The following PEX5L variants were observed in gnomAD, a reference collection of about 807,000 sequenced individuals.
PEX5L encodes peroxisomal biogenesis factor 5 like, also known as PEX5-related protein.
A neutral mutation model predicts 84.0 loss-of-function variants in PEX5L; 30 were observed. That is an observed-to-expected ratio of 0.36 (90% CI 0.27 to 0.48). The LOEUF (loss-of-function observed/expected upper bound fraction) is 0.48. Ranked by LOEUF, PEX5L falls within the 20% of genes least tolerant of loss-of-function variation. The pLI is 0.99. For missense variants in PEX5L, 533 were observed against 754.6 expected (o/e 0.71, Z 3.44); for synonymous variants, 270 against 283.1 (o/e 0.95, Z 0.46).
At chr3:179,833,413 C>A (rs1185627412) in intron 8 of PEX5L, among the ~76,000 whole-genome samples, 1 of 152,216 alleles carries the variant, frequency 6.6e-6, no homozygotes, top group Non-Finnish European at 1.5e-5. Context: ...TACTCTTGCA[C>A]ACTTTTCATT....
intron 1 of PEX5L, among the ~76,000 whole-genome samples, chr3:180,022,224 T>C (rs9844260): frequency 0.025 from 3,843 of 152,324 alleles, 191 homozygotes; most frequent in African/African-American, 0.088. Flanking sequence ...CCTAAATTAA[T>C]TGAAAGTTTA....
intron 1 of PEX5L, among the ~76,000 whole-genome samples, chr3:179,989,100 C>T (rs1175382293): frequency 3.3e-5 from 5 of 152,092 alleles, no homozygotes; most frequent in South Asian, 2.1e-4. Context: ...AACAGAAATC[C>T]GTGGTAGGGA....
At chr3:179,951,682 T>C (rs1779125686) in intron 2 of PEX5L, among the ~76,000 whole-genome samples, 1 of 152,124 alleles carries the variant, frequency 6.6e-6, no homozygotes, top group Admixed American at 6.5e-5. Flanking sequence ...CCCCACATGA[T>C]ATAATACCAG....
Position 179,887,711 on chromosome 3 carries a change from G to C in PEX5L, c.272C>G (p.Ser91Trp). ...SIDDFLCETK[S>W]EAIARPVTSN... is the part of the protein sequence containing the mutation. Reference sequence around the variant, plus strand: ...TGTTACTGGCCTTGCTATTGCTTCCGATTTGGTTTCACAGAGAAAGTCATC... The same window carrying C: ...TGTTACTGGCCTTGCTATTGCTTCCCATTTGGTTTCACAGAGAAAGTCATC... The change falls in exon 4 of 15, where the codon TCG (serine) becomes TGG (tryptophan). Residue 91 changes from serine to tryptophan, a missense_variant. Transcript: ENST00000467460. 1 of 1,613,716 alleles carries C rather than the reference G, an allele frequency of 6.2e-7. No individual in the cohort carries two copies. Among genetic ancestry groups the C allele is most frequent in the Non-Finnish European group, 8.5e-7 (1 of 1,179,662 alleles).
intron 14 of PEX5L, among the ~76,000 whole-genome samples, chr3:179,804,655 A>G (rs1720485085): frequency 6.6e-6 from 1 of 152,294 alleles, no homozygotes; most frequent in African/African-American, 2.4e-5. Context: ...AGCTACATAC[A>G]CCGACACCTG....
Position 179,995,474 on chromosome 3 carries a change from A to G in PEX5L, c.22-23809T>C, listed in dbSNP as rs145461764. 2.3e-3 allele frequency among the ~76,000 whole-genome samples: 344 copies of G among 152,254 alleles called. 3 individuals are homozygous for G. Among genetic ancestry groups the G allele is most frequent in the Admixed American group, 4.9e-3 (75 of 15,290 alleles). ...TGATAGTCCTTAGTGTGAAATGTTT[A>G]GAGAGTTATGCAAAATAAATGCATT... On this transcript the variant is annotated intron_variant, in intron 1 of 14. Transcript: ENST00000467460.
chr3:180,001,458 A>T (rs1484614033), intron 1 of PEX5L, among the ~76,000 whole-genome samples: 1 of 150,692 alleles, frequency 6.6e-6, no homozygotes, highest in Non-Finnish European at 1.5e-5. Context: ...GAACTTGGTA[A>T]ATAAACTCTT....
chr3:179,994,890 A>C (rs1787716768), intron 1 of PEX5L, among the ~76,000 whole-genome samples: 2 of 151,914 alleles, frequency 1.3e-5, no homozygotes. Flanking sequence ...ATCGGACTCC[A>C]AGTTCTTCTG....
intron 14 of PEX5L, among the ~76,000 whole-genome samples, chr3:179,803,130 G>A (rs1257266885): frequency 2.6e-5 from 4 of 152,184 alleles, no homozygotes; most frequent in Admixed American, 6.5e-5. Context: ...ACTACATGGT[G>A]CATGATATCG....
In PEX5L at chr3:179,795,618, TATTA is replaced by T. The variant is rs1349723549; in HGVS notation, c.*6206_*6209del. ...CTATAGGTCACTTAATTTGAATTGG[TATTA>T]ATTTAGTAACGCAATGTAAACATTT... is the stretch of plus-strand genomic sequence containing the variant. On this transcript the variant is annotated 3_prime_UTR_variant, in exon 15 of 15. Transcript: ENST00000467460. 26 of 152,184 alleles carry T rather than the reference TATTA, an allele frequency of 1.7e-4. No homozygotes were observed. Among genetic ancestry groups the T allele is most frequent in the Admixed American group, 1.6e-3 (24 of 15,278 alleles). The allele number at this position is 152,184 out of a possible 1,614,324, so 9.4% of individuals were successfully genotyped here.
At chr3:179,960,577 G>GATTT (rs1417367757) in intron 2 of PEX5L, among the ~76,000 whole-genome samples, 2 of 152,200 alleles carry the variant, frequency 1.3e-5, no homozygotes, top group African/African-American at 4.8e-5. Flanking sequence ...CCAAGGGTAT[G>GATTT]ATTTTAACTC....
intron 8 of PEX5L, among the ~76,000 whole-genome samples, chr3:179,854,258 A>G (rs1250778151): frequency 6.6e-6 from 1 of 151,886 alleles, no homozygotes; most frequent in Non-Finnish European, 1.5e-5. Flanking sequence ...GTCTTTGCAC[A>G]TAAACAGGTT....
intron 8 of PEX5L, among the ~76,000 whole-genome samples, chr3:179,858,248 G>A (rs1384604926): frequency 6.6e-6 from 1 of 151,854 alleles, no homozygotes; most frequent in African/African-American, 2.4e-5. Flanking sequence ...AAGTTCATAA[G>A]TAAGTTCAGT....
chr3:179,875,087 A>G (rs1424852788), intron 6 of PEX5L, among the ~76,000 whole-genome samples: 1 of 152,080 alleles, frequency 6.6e-6, no homozygotes, highest in Admixed American at 6.6e-5. Context: ...TATTTTTACT[A>G]ATTAGCACAG....
At chr3:179,946,990 C>A (rs958610757) in intron 2 of PEX5L, among the ~76,000 whole-genome samples, 1 of 152,132 alleles carries the variant, frequency 6.6e-6, no homozygotes, top group Admixed American at 6.5e-5. Flanking sequence ...TATTGAGTAG[C>A]CTGGCTACAA....
intron 1 of PEX5L, among the ~76,000 whole-genome samples, chr3:180,011,086 C>T (rs1789436413): frequency 6.6e-6 from 1 of 152,204 alleles, no homozygotes; most frequent in Admixed American, 6.5e-5. Flanking sequence ...ATCCACACCA[C>T]TTTCCCTTCC....
At chr3:179,877,074 A>C (rs1334337144) in intron 5 of PEX5L, among the ~76,000 whole-genome samples, 1 of 152,254 alleles carries the variant, frequency 6.6e-6, no homozygotes, top group African/African-American at 2.4e-5. Flanking sequence ...TTATCACATG[A>C]AGTCAAGTGT....
intron 7 of PEX5L, among the ~76,000 whole-genome samples, chr3:179,863,865 A>T: frequency 6.6e-6 from 1 of 152,070 alleles, no homozygotes. Flanking sequence ...CCCCACCCAA[A>T]TCTCTTCTTG....
chr3:179,952,389 A>G (rs1268340412), intron 2 of PEX5L, among the ~76,000 whole-genome samples: 3 of 152,130 alleles, frequency 2.0e-5, no homozygotes, highest in Non-Finnish European at 4.4e-5. Context: ...CTGTACCTGT[A>G]GCAGAAAGAA....
Sources: allele counts gnomAD v4.1 joint callset (sites outside exome capture counted in the v4.1 genomes callset), GRCh38; gene constraint gnomAD v4.1.1; transcripts MANE v1.5; gene names NCBI Gene and HGNC (gene_info 2026-07-23, HGNC 2026-07-21).